The following CFAP46 variants were observed in gnomAD, a reference collection of about 807,000 sequenced individuals.
CFAP46 encodes the protein cilia and flagella associated protein 46.
A neutral mutation model predicts 325.7 loss-of-function variants in CFAP46; 245 were observed. That is an observed-to-expected ratio of 0.75 (90% confidence interval 0.68 to 0.84). The LOEUF (loss-of-function observed/expected upper bound fraction) is 0.84. CFAP46 is among the 40% of genes least tolerant of loss of function. The probability of loss-of-function intolerance (pLI) is 0.00; values close to 1 mark genes in which losing one functional copy is unlikely to be tolerated. For synonymous variants in CFAP46, 1,523 were observed against 1,495.9 expected (o/e 1.02, Z -0.42); for missense variants, 3,346 against 3,543.0 (o/e 0.94, Z 1.41).
In CFAP46 at chr10:132,899,101, C is replaced by T; in HGVS notation, c.3077G>A (p.Ser1026Asn). The change falls in exon 24 of 58, where the codon AGC (serine) becomes AAC (asparagine). Residue 1026 changes from serine to asparagine, a missense_variant. Transcript: ENST00000368586. ...CGCGGCCAGCATCACCAGGGCGCTG[C>T]TGCCCGCGATGCCTCCGAACCTAAA... ...ESARFGGIAGSSALVMLAARH... is the reference protein window; with the variant it reads ...ESARFGGIAGNSALVMLAARH... 6.5e-7 allele frequency: 1 copy of T among 1,549,952 alleles called. No homozygotes were observed. Among genetic ancestry groups the T allele is most frequent in the Non-Finnish European group, 8.7e-7 (1 of 1,146,904 alleles).
At chr10:132,822,273 TG>T (rs1847871568) in intron 50 of CFAP46, among the ~76,000 whole-genome samples, 1 of 124,654 alleles carries the variant, frequency 8.0e-6, no homozygotes, top group Non-Finnish European at 1.7e-5. Flanking sequence ...GTGTGTGTGC[TG>T]TGTGAGTGCT....
At chr10:132,916,728 G>T (rs988982814) in intron 16 of CFAP46, 46 bp from the exon 17 acceptor site, 7 of 1,409,210 alleles carry the variant, frequency 5.0e-6, no homozygotes, top group Non-Finnish European at 6.5e-6. Flanking sequence ...CGGAGCACGG[G>T]CCCAGCACCA....
rs765729319 is a variant in CFAP46 at position 132,937,055 on chromosome 10, C to A, written c.661G>T (p.Val221Phe). 22 of 1,488,882 alleles carry A rather than the reference C, an allele frequency of 1.5e-5. 1 individual carries two copies. The South Asian group carries it at 2.9e-4, about 19-fold the overall frequency. The allele number at this position is 1,488,882 out of a possible 1,614,324, so 92.2% of individuals were successfully genotyped here. A position where few individuals can be genotyped will look rare whatever the true frequency, so the allele number is the denominator to read the frequency against. The change falls in exon 7 of 58, where the codon GTT (valine) becomes TTT (phenylalanine). Residue 221 changes from valine to phenylalanine, a missense_variant and splice_region_variant. Val to Phe is a conservative substitution (Grantham distance 50). Transcript: ENST00000368586. ...QKYRQIFSVM[V>F]RHELMDELQL... is the part of the protein sequence containing the mutation. Reference sequence around the variant, plus strand: ...AGTTCGTCCATTAATTCATGACGAACCTGTCATAAAATGGAGCAGATTATT... The same window carrying A: ...AGTTCGTCCATTAATTCATGACGAAACTGTCATAAAATGGAGCAGATTATT...
chr10:132,884,223 C>T lies in CFAP46; in HGVS notation c.3627+880G>A, dbSNP rs187948430. Among the ~76,000 whole-genome samples, 1,498 of 152,284 alleles carry T rather than the reference C, an allele frequency of 9.8e-3. 15 individuals are homozygous for T. Among genetic ancestry groups the T allele is most frequent in the South Asian group, 0.043 (209 of 4,830 alleles). On this transcript the variant is annotated intron_variant, in intron 27 of 57. Coordinates refer to ENST00000368586, the MANE Select transcript of CFAP46 (RefSeq NM_001200049.3). The surrounding 1 kb of genome is among the most constrained non-coding windows in gnomAD (Gnocchi z 5.4). ...CAACTGCCGAGGAACGACGTGGCCTCTGGTTCCCCGGAGCGAGGAGCAGTG... is the reference window on the plus strand; with the variant it reads ...CAACTGCCGAGGAACGACGTGGCCTTTGGTTCCCCGGAGCGAGGAGCAGTG...
rs1398892416 is a variant in CFAP46, at chr10:132,822,087, G to C, written c.7118-7173C>G. ...TGATGTGTGCTGTGTGTGCAGTGAT[G>C]TGTGCTGTGTGAGTGCTGATGTGTG... is the stretch of plus-strand genomic sequence containing the variant. On this transcript the variant is annotated intron_variant, in intron 50 of 57. Transcript: ENST00000368586. Among the ~76,000 whole-genome samples the C allele has an allele frequency of 2.0e-4, 29 of 145,358 alleles. No homozygotes were observed. The South Asian group carries it at 5.6e-3, about 28-fold the overall frequency.
At position 132,879,559 on chromosome 10, in the gene CFAP46, T is replaced by C. The variant is rs1184872095; in HGVS notation, c.3872A>G (p.Gln1291Arg). The change falls in exon 29 of 58, where the codon CAG becomes CGG. Residue 1291 changes from glutamine to arginine, a missense_variant. Transcript: ENST00000368586. Reference sequence around the variant, plus strand: ...CTCCAGCTGCCGCACGCTACGCAGCTGCTCCAAGGACACCGCCTCCTCGGC... The same window carrying C: ...CTCCAGCTGCCGCACGCTACGCAGCCGCTCCAAGGACACCGCCTCCTCGGC... ...SEAEEAVSLE[Q>R]LRSVRQLEAL... 3 of 1,547,360 alleles carry C rather than the reference T, an allele frequency of 1.9e-6. No homozygotes were observed. The highest frequency in any genetic ancestry group is 2.6e-6 in the Non-Finnish European group (3 of 1,146,034).
Position 132,921,964 on chromosome 10 carries a change from A to C in CFAP46, c.1606+140T>G, listed in dbSNP as rs1849730008. The C allele has an allele frequency of 3.6e-6, 4 of 1,126,458 alleles. No individual in the cohort carries two copies. In the Admixed American group the frequency reaches 1.2e-4, roughly 33 times the overall value. 69.8% of individuals were successfully genotyped at this position (1,126,458 alleles called of 1,614,324 possible). On this transcript the variant is annotated intron_variant, in intron 13 of 57. Coordinates refer to ENST00000368586, the MANE Select transcript of CFAP46 (RefSeq NM_001200049.3). ...TGCCAGACCCGGCGGGCCGAGATCG[A>C]AGGACACTGCCGGTGCAAGGTCCTT...
chr10:132,922,339 GAC>G, intron 12 of CFAP46, 115 bp from the exon 13 acceptor site: 2 of 1,462,884 alleles, frequency 1.4e-6, no homozygotes, highest in Non-Finnish European at 1.8e-6. Context: ...CGTGCTCATA[GAC>G]ACAGTGACAG....
chr10:132,808,788 T>G lies in CFAP46; in HGVS notation c.7781A>C (p.Gln2594Pro), dbSNP rs1847517732. Residue 2594 changes from glutamine to proline, a missense_variant, in exon 58 of 58, where the codon CAG becomes CCG. Transcript: ENST00000368586. The surrounding 1 kb of genome is among the most constrained non-coding windows in gnomAD (Gnocchi z 6.8). ...AGCTGATGGGAGGCAGGTCCAGGCC[T>G]GCACTACCCGATGGCTTGGTGCGGC... The part of the protein sequence containing the change: ...WAAAPSHRVV[Q>P]AWTCLPSAAG... 4 of 1,601,072 alleles carry G rather than the reference T, an allele frequency of 2.5e-6. No individual in the cohort carries two copies. The highest frequency in any genetic ancestry group is 3.4e-6 in the Non-Finnish European group (4 of 1,174,306).
intron 50 of CFAP46, among the ~76,000 whole-genome samples, chr10:132,831,699 T>G (rs541662918): frequency 6.6e-6 from 1 of 152,336 alleles, no homozygotes; most frequent in African/African-American, 2.4e-5. Context: ...ATATTTTTCT[T>G]TTAGTTGGGG....
intron 31 of CFAP46, among the ~76,000 whole-genome samples, chr10:132,875,005 A>T (rs1028163937): frequency 3.9e-5 from 6 of 152,360 alleles, no homozygotes; most frequent in African/African-American, 1.4e-4. Context: ...TGATGTACAC[A>T]CAAAATCCAA....
intron 22 of CFAP46, among the ~76,000 whole-genome samples, chr10:132,903,217 C>T (rs1849413717): frequency 1.3e-5 from 2 of 152,336 alleles, no homozygotes; most frequent in South Asian, 4.1e-4. Flanking sequence ...TCCAACTTCT[C>T]TAGCGCAGGA....
intron 27 of CFAP46, among the ~76,000 whole-genome samples, chr10:132,883,363 C>T (rs1849075055): frequency 6.6e-6 from 1 of 152,244 alleles, no homozygotes; most frequent in Non-Finnish European, 1.5e-5. Flanking sequence ...GGCCCATAAG[C>T]ACATGGGAAT....
Position 132,846,991 on chromosome 10 carries a change from C to T in CFAP46, c.6208G>A (p.Val2070Met), listed in dbSNP as rs1364507969. ...GGGTCCAGGGTGCCGACACACTCCACCATCTCCAGGCTGGCGGCTGCTGCG... is the reference window on the plus strand; with the variant it reads ...GGGTCCAGGGTGCCGACACACTCCATCATCTCCAGGCTGGCGGCTGCTGCG... ...DVAAAASLEM[V>M]ECVGTLDPAT... The change falls in exon 43 of 58, where the codon GTG (valine) becomes ATG (methionine). Residue 2070 changes from valine to methionine, a missense_variant. Physicochemically the swap from Val to Met is conservative, Grantham distance 21 (BLOSUM62 1). Transcript: ENST00000368586. 6.2e-7 allele frequency: 1 copy of T among 1,611,140 alleles called. No individual in the cohort carries two copies. The highest frequency in any genetic ancestry group is 8.5e-7 in the Non-Finnish European group (1 of 1,179,768).
intron 39 of CFAP46, among the ~76,000 whole-genome samples, 186 bp from the exon 40 acceptor site, chr10:132,851,491 T>G (rs1310194535): frequency 9.9e-5 from 15 of 152,210 alleles, no homozygotes; most frequent in African/African-American, 3.6e-4. Flanking sequence ...TTCGAGATAA[T>G]GCAGTAGCCC....
At chr10:132,846,720 G>A (rs1278786068) in intron 43 of CFAP46, among the ~76,000 whole-genome samples, 2 of 152,352 alleles carry the variant, frequency 1.3e-5, no homozygotes, top group Middle Eastern at 3.4e-3. Flanking sequence ...CTCCATGTCT[G>A]CCCGATGCAG....
rs181005365 is a variant in CFAP46, at chr10:132,869,285, C to T, written c.4599G>A (p.Leu1533=). 3.4e-4 allele frequency: 516 copies of T among 1,536,554 alleles called. 2 individuals are homozygous for T. Among genetic ancestry groups the T allele is most frequent in the South Asian group, 1.1e-3 (94 of 83,182 alleles). ...GGGACGGCACACACCTGGCCTGCTC[C>T]AGCTCGCTGACGCACACCTGCCCGA... ...EAVGQVCVSE[L]EQASCRKEIA... Residue 1533 remains leucine (L), a synonymous_variant, in exon 33 of 58, where the codon CTG becomes CTA. Transcript: ENST00000368586. This position sits in a 1 kb window ranked among gnomAD's most constrained non-coding sequence, Gnocchi z 6.2.
chr10:132,922,632 C>T lies in CFAP46; in HGVS notation c.1333G>A (p.Ala445Thr), dbSNP rs1285896796. Residue 445 changes from alanine (A) to threonine (T), a missense_variant, in exon 12 of 58, where the codon GCC (alanine) becomes ACC (threonine). By Grantham distance (58) the Ala-to-Thr change is moderately conservative (BLOSUM62 0). Coordinates refer to ENST00000368586, the MANE Select transcript of CFAP46 (RefSeq NM_001200049.3). The part of the protein sequence containing the change: ...IEEDEDRLEP[A>T]TEHLRKAARL... ...GCGGCTTTCCGGAGGTGCTCCGTGG[C>T]GGGCTCCAGCCGGTCCTCGTCCTCC... 22 of 1,549,622 alleles carry T rather than the reference C, an allele frequency of 1.4e-5. No homozygotes were observed. Among genetic ancestry groups the T allele is most frequent in the South Asian group, 3.6e-5 (3 of 84,052 alleles).
chr10:132,844,691 C>T (rs1213596069), intron 44 of CFAP46, among the ~76,000 whole-genome samples: 1 of 152,190 alleles, frequency 6.6e-6, no homozygotes, highest in Non-Finnish European at 1.5e-5. Context: ...CACTGGTGTC[C>T]TTGGTCCCCA....
Sources: allele counts gnomAD v4.1 joint callset (sites outside exome capture counted in the v4.1 genomes callset), GRCh38; gene constraint gnomAD v4.1.1; non-coding constraint Gnocchi (gnomAD v3.1); transcripts MANE v1.5; gene names NCBI Gene and HGNC (gene_info 2026-07-23, HGNC 2026-07-21).